SPAG16: variants seen among roughly 807,000 people sequenced by gnomAD.
The protein encoded by SPAG16 is sperm associated antigen 16.
Under a neutral mutation model 80.4 loss-of-function variants are expected in SPAG16, and 86 were observed. That is an observed-to-expected ratio of 1.07 (90% CI 0.90 to 1.28). The LOEUF is 1.28. SPAG16 is among the 50% of genes most tolerant of loss of function. The pLI is 0.00. For missense variants in SPAG16, 870 were observed against 765.3 expected (o/e 1.14, Z -1.61); for synonymous variants, 294 against 265.9 (o/e 1.11, Z -1.03).
intron 10 of SPAG16, among the ~76,000 whole-genome samples, chr2:213,583,005 T>G (rs73988556): frequency 0.012 from 1,785 of 152,280 alleles, 36 homozygotes; most frequent in African/African-American, 0.039. Context: ...ATGTCATTTT[T>G]TATTTAAAGG....
intron 11 of SPAG16, among the ~76,000 whole-genome samples, chr2:213,886,448 G>A (rs11689465): frequency 0.59 from 90,079 of 151,526 alleles, 28,642 homozygotes; most frequent in South Asian, 0.85. Context: ...TTCTGAGGCT[G>A]TATTTGAGGA....
At chr2:214,008,277 A>C (rs1398681421) in intron 12 of SPAG16, among the ~76,000 whole-genome samples, 1 of 151,906 alleles carries the variant, frequency 6.6e-6, no homozygotes, top group Admixed American at 6.6e-5. Flanking sequence ...TTATAACTAT[A>C]TGTTTCTTTA....
At chr2:213,360,202 C>T (rs1354284582) in intron 7 of SPAG16, among the ~76,000 whole-genome samples, 1 of 152,106 alleles carries the variant, frequency 6.6e-6, no homozygotes, top group East Asian at 1.9e-4. Flanking sequence ...TTATACTTGT[C>T]AATGGAAACT....
At chr2:214,210,494 G>T (rs758251917) in intron 15 of SPAG16, among the ~76,000 whole-genome samples, 8 of 152,162 alleles carry the variant, frequency 5.3e-5, no homozygotes, top group Middle Eastern at 6.8e-3. Context: ...AGTTTCTGTG[G>T]AGTCAAAATT....
intron 10 of SPAG16, among the ~76,000 whole-genome samples, chr2:213,808,609 A>G (rs966047612): frequency 1.3e-5 from 2 of 152,148 alleles, no homozygotes; most frequent in African/African-American, 4.8e-5. Flanking sequence ...AGAAAGCAAT[A>G]TGTATTTTTT....
At chr2:213,441,913 G>A (rs1408805755) in intron 9 of SPAG16, among the ~76,000 whole-genome samples, 3 of 152,170 alleles carry the variant, frequency 2.0e-5, no homozygotes, top group Non-Finnish European at 4.4e-5. Context: ...TTGGGAGGCT[G>A]AGACAGGTGG....
rs973611786 is a variant in SPAG16 at position 214,187,175 on chromosome 2, G to A, written c.1720+37909G>A. ...CTCTCATTTGCAAAAATAGTTATAC[G>A]TTAAGTGTAAGTACATACACCAATA... is the stretch of plus-strand genomic sequence containing the variant. On this transcript the variant is annotated intron_variant, in intron 15 of 15. Transcript: ENST00000331683. 5.9e-5 allele frequency among the ~76,000 whole-genome samples: 9 copies of A among 151,958 alleles called. No individual in the cohort carries two copies. The South Asian group carries it at 1.2e-3, about 21-fold the overall frequency.
At chr2:214,367,793 TC>T (rs1699571640) in intron 15 of SPAG16, among the ~76,000 whole-genome samples, 1 of 152,154 alleles carries the variant, frequency 6.6e-6, no homozygotes, top group South Asian at 2.1e-4. Context: ...TCATGCTGTA[TC>T]ACCCAGCTCC....
At chr2:213,908,759 T>A in intron 11 of SPAG16, among the ~76,000 whole-genome samples, 1 of 102,690 alleles carries the variant, frequency 9.7e-6, no homozygotes, top group African/African-American at 2.9e-5. Flanking sequence ...TTTTTTTTTG[T>A]CTTTTTTTTT....
chr2:213,531,252 T>C (rs1406835377), intron 10 of SPAG16, among the ~76,000 whole-genome samples: 1 of 152,178 alleles, frequency 6.6e-6, no homozygotes, highest in East Asian at 1.9e-4. Flanking sequence ...GGGATTTTTC[T>C]GGGGAACTCC....
intron 13 of SPAG16, among the ~76,000 whole-genome samples, chr2:214,037,716 T>C (rs1559720110): frequency 6.6e-6 from 1 of 152,186 alleles, no homozygotes; most frequent in Non-Finnish European, 1.5e-5. Flanking sequence ...GCATAGATAT[T>C]GATAGTTGTC....
At chr2:213,934,064 A>G (rs2078887169) in intron 12 of SPAG16, among the ~76,000 whole-genome samples, 2 of 152,208 alleles carry the variant, frequency 1.3e-5, no homozygotes, top group African/African-American at 4.8e-5. Flanking sequence ...AGGATAATGA[A>G]CAAGAAGGAA....
chr2:214,085,678 A>C (rs771322726), intron 13 of SPAG16, among the ~76,000 whole-genome samples: 39 of 152,180 alleles, frequency 2.6e-4, no homozygotes, highest in Non-Finnish European at 4.3e-4. Context: ...TTTCCTTTGA[A>C]CATCCAGACT....
intron 10 of SPAG16, among the ~76,000 whole-genome samples, chr2:213,691,708 TTTG>T (rs1471446116): frequency 1.3e-5 from 2 of 152,256 alleles, no homozygotes; most frequent in African/African-American, 2.4e-5. Flanking sequence ...TCCCTCAGCA[TTTG>T]TTATCATTTA....
At chr2:214,059,135 C>G (rs1390741179) in intron 13 of SPAG16, among the ~76,000 whole-genome samples, 1 of 148,246 alleles carries the variant, frequency 6.7e-6, no homozygotes, top group Non-Finnish European at 1.5e-5. Flanking sequence ...CAAGATCATG[C>G]CACTGCACTC....
At chr2:214,014,234 A>C (rs1050200575) in intron 13 of SPAG16, among the ~76,000 whole-genome samples, 157 bp downstream of exon 13, 6 of 152,176 alleles carry the variant, frequency 3.9e-5, no homozygotes, top group African/African-American at 1.4e-4. Flanking sequence ...CTTTCTATGC[A>C]CTTGTATCCA....
intron 15 of SPAG16, among the ~76,000 whole-genome samples, chr2:214,266,248 G>A (rs774520387): frequency 2.6e-4 from 40 of 151,846 alleles, no homozygotes; most frequent in Non-Finnish European, 5.0e-4. Flanking sequence ...TATTTTGTTT[G>A]TTTTGCCTGT....
intron 15 of SPAG16, among the ~76,000 whole-genome samples, chr2:214,260,489 G>A (rs1365332987): frequency 1.3e-5 from 2 of 152,134 alleles, no homozygotes; most frequent in Admixed American, 6.5e-5. Context: ...CCAAACATTA[G>A]AGAAAATAAT....
At chr2:213,657,058 A>G (rs971901676) in intron 10 of SPAG16, among the ~76,000 whole-genome samples, 1 of 152,210 alleles carries the variant, frequency 6.6e-6, no homozygotes, top group Non-Finnish European at 1.5e-5. Flanking sequence ...TCAACATGAT[A>G]AAATTCTTTC....
Sources: gnomAD v4.1 joint callset for allele counts (sites outside exome capture counted in the v4.1 genomes callset) on GRCh38, gnomAD v4.1.1 for gene constraint, MANE v1.5 for transcripts, NCBI Gene and HGNC (gene_info 2026-07-23, HGNC 2026-07-21) for gene names.